PRKG1: variants seen among roughly 807,000 people sequenced by gnomAD.
PRKG1 encodes the protein cGMP-dependent protein kinase 1.
PRKG1 carries 35 observed loss-of-function variants against 88.1 expected under a neutral mutation model. The observed-to-expected ratio is 0.40, with a 90% CI of 0.30 to 0.53. The LOEUF (loss-of-function observed/expected upper bound fraction) is 0.53, where lower values mean the gene tolerates loss of function less well. Ranked by LOEUF, PRKG1 falls within the 20% of genes least tolerant of loss-of-function variation. PRKG1 has a pLI of 0.59. For synonymous variants in PRKG1, 303 were observed against 292.5 expected (o/e 1.04, Z -0.37); for missense variants, 540 against 839.8 (o/e 0.64, Z 4.41).
chr10:51,527,450 A>G (rs1841910551), intron 3 of PRKG1, among the ~76,000 whole-genome samples: 1 of 152,178 alleles, frequency 6.6e-6, no homozygotes, highest in South Asian at 2.1e-4. Flanking sequence ...AACAGTGGAA[A>G]TGAGCTGAGC....
chr10:51,450,539 T>C (rs1839405741), intron 2 of PRKG1, among the ~76,000 whole-genome samples: 1 of 152,036 alleles, frequency 6.6e-6, no homozygotes, highest in South Asian at 2.1e-4. Flanking sequence ...CCAACTAACT[T>C]ACATGCTTTT....
chr10:51,670,371 T>C (rs1479753909), intron 3 of PRKG1, among the ~76,000 whole-genome samples: 1 of 151,902 alleles, frequency 6.6e-6, no homozygotes, highest in Non-Finnish European at 1.5e-5. Context: ...ATTTCTATTT[T>C]TATTATTTAT....
At chr10:51,477,185 C>T (rs1345697808) in intron 3 of PRKG1, among the ~76,000 whole-genome samples, 1 of 151,596 alleles carries the variant, frequency 6.6e-6, no homozygotes, top group Non-Finnish European at 1.5e-5. Flanking sequence ...CTAAGACTCA[C>T]ACCAAATTCA....
rs75128717 is a variant in PRKG1 at position 51,931,818 on chromosome 10, T to G, written c.762+24248T>G. ...GTAGTAAAAATAACAAGATTCACAT[T>G]TATGAAATGTAGTTATAATTTTTTC... On this transcript the variant is annotated intron_variant, in intron 5 of 17. Coordinates refer to ENST00000373980, the MANE Select transcript of PRKG1 (RefSeq NM_006258.4). Among the ~76,000 whole-genome samples, 5 of 152,286 alleles carry G rather than the reference T, an allele frequency of 3.3e-5. No homozygotes were observed. The East Asian group carries it at 9.6e-4, about 29-fold the overall frequency.
intron 3 of PRKG1, among the ~76,000 whole-genome samples, chr10:51,657,211 A>T (rs1840182458): frequency 6.6e-6 from 1 of 152,162 alleles, no homozygotes; most frequent in Non-Finnish European, 1.5e-5. Flanking sequence ...ATTGTTTTAT[A>T]TGCATGTCCA....
rs563591152 is a variant in PRKG1, at chr10:51,703,601, A to T, written c.593-100984A>T. On this transcript the variant is annotated intron_variant, in intron 3 of 17. Coordinates refer to ENST00000373980, the MANE Select transcript of PRKG1 (RefSeq NM_006258.4). ...CTAAGTGCCTCAAATTTATTATTTC[A>T]TTCCATCAATATTTATTTCAAGCAC... Among the ~76,000 whole-genome samples the T allele has an allele frequency of 1.1e-4, 17 of 152,220 alleles. No individual in the cohort carries two copies. The South Asian group carries it at 3.5e-3, about 32-fold the overall frequency.
chr10:51,298,534 G>C (rs1013335908), intron 2 of PRKG1, among the ~76,000 whole-genome samples: 1 of 152,184 alleles, frequency 6.6e-6, no homozygotes, highest in Non-Finnish European at 1.5e-5. Context: ...CATTATAAAT[G>C]TTAGCTATTA....
chr10:51,465,409 T>C (rs1423092597), intron 2 of PRKG1, among the ~76,000 whole-genome samples: 2 of 152,202 alleles, frequency 1.3e-5, no homozygotes, highest in African/African-American at 2.4e-5. Context: ...ATGAAAGTTC[T>C]TTAGGCTTTA....
intron 9 of PRKG1, among the ~76,000 whole-genome samples, chr10:52,196,082 G>A (rs1227965028): frequency 6.6e-6 from 1 of 151,894 alleles, no homozygotes; most frequent in Non-Finnish European, 1.5e-5. Flanking sequence ...GCACGATCTC[G>A]GCTCACTGCA....
chr10:52,015,478 C>T (rs947035593), intron 5 of PRKG1, among the ~76,000 whole-genome samples: 3 of 152,198 alleles, frequency 2.0e-5, no homozygotes, highest in African/African-American at 7.2e-5. Flanking sequence ...GATCTCCAGA[C>T]CTGTGATGGC....
At chr10:51,283,007 C>A (rs2132205949) in intron 2 of PRKG1, among the ~76,000 whole-genome samples, 1 of 152,184 alleles carries the variant, frequency 6.6e-6, no homozygotes, top group South Asian at 2.1e-4. Flanking sequence ...AGGACAGATG[C>A]ACCTTCTCTC....
At chr10:51,482,507 C>T (rs1293041087) in intron 3 of PRKG1, among the ~76,000 whole-genome samples, 2 of 152,030 alleles carry the variant, frequency 1.3e-5, no homozygotes, top group African/African-American at 2.4e-5. Flanking sequence ...TGGCCTGGCT[C>T]ACTAGGACTT....
In PRKG1 at chr10:52,089,898, T is replaced by A. The variant is rs138326484; in HGVS notation, c.935+27267T>A. Among the ~76,000 whole-genome samples, 584 of 134,092 alleles carry A rather than the reference T, an allele frequency of 4.4e-3. 4 individuals carry two copies. Among genetic ancestry groups the A allele is most frequent in the African/African-American group, 0.015 (563 of 36,656 alleles). The allele number at this position is 134,092 out of a possible 152,430, so 88.0% of individuals were successfully genotyped here. A position where few individuals can be genotyped will look rare whatever the true frequency, so the allele number is the denominator to read the frequency against. Reference sequence around the variant, plus strand: ...GGCACAATCTCGGCTCACTGCAACCTCTGCCTGCCACGTTCAAGTGATTCT... The same window carrying A: ...GGCACAATCTCGGCTCACTGCAACCACTGCCTGCCACGTTCAAGTGATTCT... On this transcript the variant is annotated intron_variant, in intron 7 of 17. Transcript: ENST00000373980.
At chr10:51,113,609 A>T (rs1845029391) in intron 1 of PRKG1, among the ~76,000 whole-genome samples, 1 of 152,156 alleles carries the variant, frequency 6.6e-6, no homozygotes, top group Admixed American at 6.6e-5. Context: ...TTAAAATACA[A>T]ACAATGAAAT....
intron 6 of PRKG1, among the ~76,000 whole-genome samples, chr10:52,055,116 A>G (rs916976526): frequency 3.9e-5 from 6 of 152,234 alleles, no homozygotes; most frequent in African/African-American, 1.4e-4. Context: ...AGCCTGGGTA[A>G]CAGAGCAAGA....
At chr10:52,141,313 AC>A (rs1274855085) in intron 8 of PRKG1, among the ~76,000 whole-genome samples, 1 of 152,182 alleles carries the variant, frequency 6.6e-6, no homozygotes, top group Non-Finnish European at 1.5e-5. Context: ...AAAGGAGTAT[AC>A]CCTGAGACAA....
chr10:51,796,787 G>GCTGAAGA (rs1381491573), intron 3 of PRKG1, among the ~76,000 whole-genome samples: 1 of 152,066 alleles, frequency 6.6e-6, no homozygotes, highest in Non-Finnish European at 1.5e-5. Context: ...CATTCCTTCT[G>GCTGAAGA]CTGAAGACCT....
At chr10:52,260,209 T>A (rs1841401334) in intron 10 of PRKG1, among the ~76,000 whole-genome samples, 1 of 152,082 alleles carries the variant, frequency 6.6e-6, no homozygotes, top group Admixed American at 6.6e-5. Flanking sequence ...GGTTTTCGGC[T>A]ACATGGATGA....
intron 7 of PRKG1, among the ~76,000 whole-genome samples, chr10:52,109,213 G>A (rs1490617030): frequency 1.3e-5 from 2 of 152,106 alleles, no homozygotes; most frequent in African/African-American, 4.8e-5. Flanking sequence ...AACCAAGAAT[G>A]TCATTTAGAA....
Sources: allele counts gnomAD v4.1 joint callset (sites outside exome capture counted in the v4.1 genomes callset), GRCh38; gene constraint gnomAD v4.1.1; transcripts MANE v1.5; gene names NCBI Gene and HGNC (gene_info 2026-07-23, HGNC 2026-07-21).